PAPPA2: variants seen among roughly 807,000 people sequenced by gnomAD.
The protein encoded by PAPPA2 is pappalysin 2.
In PAPPA2, 86 loss-of-function variants were observed where a neutral mutation model predicts 176.4. That is an observed-to-expected ratio of 0.49 (90% confidence interval 0.41 to 0.58). The LOEUF (loss-of-function observed/expected upper bound fraction) is 0.58. Among genes scored for constraint, PAPPA2 ranks in the 20% least tolerant of loss-of-function variants. The pLI is 0.00. For synonymous variants in PAPPA2, 809 were observed against 852.2 expected, an observed-to-expected ratio of 0.95 and a Z score of 0.88; for missense variants, 2,073 against 2,256.9, an observed-to-expected ratio of 0.92 and a Z score of 1.65.
At chr1:176,612,329 G>T (rs1654976799) in intron 3 of PAPPA2, among the ~76,000 whole-genome samples, 2 of 152,158 alleles carry the variant, frequency 1.3e-5, no homozygotes, top group South Asian at 4.1e-4. Flanking sequence ...GGGAGGCAGA[G>T]GTTGCAGTGA....
At chr1:176,772,661 A>G (rs574533797) in intron 17 of PAPPA2, among the ~76,000 whole-genome samples, 1 of 152,286 alleles carries the variant, frequency 6.6e-6, no homozygotes, top group East Asian at 1.9e-4. Flanking sequence ...ATAGGAGGCA[A>G]CACTCCCTGG....
intron 4 of PAPPA2, among the ~76,000 whole-genome samples, chr1:176,680,612 G>T (rs954853918): frequency 1.3e-5 from 2 of 152,130 alleles, no homozygotes; most frequent in South Asian, 2.1e-4. Context: ...CAGGATATCA[G>T]CATTGAAACT....
At chr1:176,728,805 C>T (rs1239201819) in intron 12 of PAPPA2, among the ~76,000 whole-genome samples, 4 of 151,850 alleles carry the variant, frequency 2.6e-5, no homozygotes, top group Non-Finnish European at 5.9e-5. Flanking sequence ...CAGGGAAGTT[C>T]AGAAGTATGC....
At chr1:176,559,970 G>T (rs1344739727) in intron 2 of PAPPA2, among the ~76,000 whole-genome samples, 2 of 152,186 alleles carry the variant, frequency 1.3e-5, no homozygotes, top group African/African-American at 2.4e-5. Context: ...AGATGCGGGG[G>T]TCTTAGAGGA....
At chr1:176,602,002 C>T (rs1558465694) in intron 3 of PAPPA2, among the ~76,000 whole-genome samples, 1 of 152,132 alleles carries the variant, frequency 6.6e-6, no homozygotes, top group Non-Finnish European at 1.5e-5. Flanking sequence ...TATCTCAGAT[C>T]TCATAATATT....
At chr1:176,688,171 G>T (rs185517626) in intron 4 of PAPPA2, among the ~76,000 whole-genome samples, 6 of 152,320 alleles carry the variant, frequency 3.9e-5, no homozygotes, top group Non-Finnish European at 5.9e-5. Context: ...TGGTGGGAAA[G>T]AAAGGAAAGA....
intron 3 of PAPPA2, chr1:176,616,602 A>G: frequency 6.4e-7 from 1 of 1,565,908 alleles, no homozygotes. Context: ...GAGAACATGG[A>G]TACCTTCTTT....
At chr1:176,524,931 A>T (rs1436149044) in intron 1 of PAPPA2, among the ~76,000 whole-genome samples, 1 of 152,102 alleles carries the variant, frequency 6.6e-6, no homozygotes, top group African/African-American at 2.4e-5. Context: ...AGTCCCAGCT[A>T]CTCGGGAGGC....
intron 3 of PAPPA2, among the ~76,000 whole-genome samples, chr1:176,600,417 C>T (rs1654244080): frequency 6.6e-6 from 1 of 152,046 alleles, no homozygotes; most frequent in Non-Finnish European, 1.5e-5. Context: ...TGGCTCACGC[C>T]TGTAATCCCA....
At chr1:176,831,433 C>G (rs1232358520) in intron 21 of PAPPA2, among the ~76,000 whole-genome samples, 1 of 152,200 alleles carries the variant, frequency 6.6e-6, no homozygotes, top group Non-Finnish European at 1.5e-5. Context: ...CCTTAAGGAG[C>G]CAGGCTTCAA....
intron 12 of PAPPA2, among the ~76,000 whole-genome samples, chr1:176,731,233 T>A (rs907897920): frequency 6.6e-6 from 1 of 152,116 alleles, no homozygotes; most frequent in African/African-American, 2.4e-5. Context: ...TTTTTTAAGT[T>A]GATGTGTTTC....
At chr1:176,584,536 G>T (rs1044067667) in intron 2 of PAPPA2, among the ~76,000 whole-genome samples, 3 of 151,902 alleles carry the variant, frequency 2.0e-5, no homozygotes, top group African/African-American at 7.3e-5. Flanking sequence ...CAGGTGAATT[G>T]AGTTTCTTAT....
chr1:176,793,415 A>G, intron 19 of PAPPA2, 145 bp from the exon 20 acceptor site: 2 of 653,350 alleles, frequency 3.1e-6, no homozygotes, highest in South Asian at 1.7e-5. Context: ...CAGTAGATGA[A>G]TATCAGCCCT....
chr1:176,583,953 G>A (rs1462326903), intron 2 of PAPPA2, among the ~76,000 whole-genome samples: 1 of 152,148 alleles, frequency 6.6e-6, no homozygotes, highest in Non-Finnish European at 1.5e-5. Context: ...TACTTGAGAG[G>A]ATGAGGTGGG....
At chr1:176,553,786 A>G (rs547362459) in intron 1 of PAPPA2, 2 of 152,060 alleles carry the variant, frequency 1.3e-5, no homozygotes, top group Admixed American at 6.5e-5. Context: ...GGGAGGGGGA[A>G]GTTTACTTCT....
chr1:176,755,523 T>C (rs2102893298), intron 14 of PAPPA2, among the ~76,000 whole-genome samples: 1 of 152,316 alleles, frequency 6.6e-6, no homozygotes, highest in Admixed American at 6.5e-5. Flanking sequence ...GCTATGAATG[T>C]AGTTGGGGAA....
At chr1:176,722,516 G>A (rs1368526579) in intron 12 of PAPPA2, among the ~76,000 whole-genome samples, 1 of 149,106 alleles carries the variant, frequency 6.7e-6, no homozygotes, top group African/African-American at 2.5e-5. Context: ...CACATTGACA[G>A]TCTTTGAAGT....
chr1:176,657,105 C>T (rs1284339908), intron 3 of PAPPA2, among the ~76,000 whole-genome samples: 2 of 151,516 alleles, frequency 1.3e-5, no homozygotes, highest in East Asian at 3.9e-4. Flanking sequence ...AGCACTCTGC[C>T]AGGCACTCTG....
chr1:176,638,595 CCA>C (rs1220361929), intron 3 of PAPPA2, among the ~76,000 whole-genome samples: 1 of 151,988 alleles, frequency 6.6e-6, no homozygotes, highest in East Asian at 1.9e-4. Context: ...AGACTGAATG[CCA>C]GTGACTTGAA....
Sources: gnomAD v4.1 joint callset for allele counts (sites outside exome capture counted in the v4.1 genomes callset) on GRCh38, gnomAD v4.1.1 for gene constraint, MANE v1.5 for transcripts, NCBI Gene and HGNC (gene_info 2026-07-23, HGNC 2026-07-21) for gene names.